SMPD3: variants seen among roughly 807,000 people sequenced by gnomAD.
SMPD3 encodes sphingomyelin phosphodiesterase 3.
A neutral mutation model predicts 55.7 loss-of-function variants in SMPD3; 21 were observed. The ratio of observed to expected loss-of-function variants is 0.38; its 90% CI spans 0.27 to 0.54. The LOEUF (loss-of-function observed/expected upper bound fraction) is 0.54. Among genes scored for constraint, SMPD3 ranks in the 20% least tolerant of loss-of-function variants. SMPD3 has a pLI of 0.80. For synonymous variants in SMPD3, 457 were observed against 404.3 expected (o/e 1.13, Z -1.56); for missense variants, 842 against 899.6 (o/e 0.94, Z 0.82).
At chr16:68,408,754 G>C (rs1319820421) in intron 1 of SMPD3, among the ~76,000 whole-genome samples, 1 of 152,138 alleles carries the variant, frequency 6.6e-6, no homozygotes, top group Non-Finnish European at 1.5e-5. Flanking sequence ...GTCTCTCCTG[G>C]GTTGAGAACT....
chr16:68,409,635 C>G (rs1204921055), intron 1 of SMPD3, among the ~76,000 whole-genome samples: 2 of 152,146 alleles, frequency 1.3e-5, no homozygotes, highest in Non-Finnish European at 1.5e-5. Flanking sequence ...ACTCTGTTCC[C>G]CAGGCTGGAG....
At chr16:68,391,903 CTT>C (rs752625272) in intron 1 of SMPD3, among the ~76,000 whole-genome samples, 9 of 152,026 alleles carry the variant, frequency 5.9e-5, no homozygotes, top group Non-Finnish European at 1.3e-4. Context: ...TTCTTTTTTT[CTT>C]TTTTGAGACA....
chr16:68,397,782 G>A (rs1181660396), intron 1 of SMPD3, among the ~76,000 whole-genome samples: 38 of 152,114 alleles, frequency 2.5e-4, no homozygotes, highest in Admixed American at 2.5e-3. Context: ...GCGGGGGGTG[G>A]TCTCTTCAGG....
At position 68,361,744 on chromosome 16, in the gene SMPD3, C is replaced by T. The variant is rs955621644; in HGVS notation, c.1725G>A (p.Glu575=). The change falls in exon 8 of 9, where the codon GAG becomes GAA. Residue 575 remains glutamate, a synonymous_variant. Coordinates refer to ENST00000219334, the MANE Select transcript of SMPD3 (RefSeq NM_018667.4). The part of the protein sequence containing the change: ...PDNLQKVLES[E]EGRREYLAFP... ...ACGCCAGGTACTCCCTGCGGCCCTC[C>T]TCACTCTCCAGGACCCTGTCCACAC... 1.9e-6 allele frequency: 3 copies of T among 1,612,504 alleles called. No homozygotes were observed. In the African/African-American group the frequency reaches 4.0e-5, roughly 22 times the overall value.
rs1443862848 is a variant in SMPD3 at position 68,358,824 on chromosome 16, A to G, written c.*2382T>C. The G allele has an allele frequency of 2.6e-5, 4 of 152,534 alleles. No homozygotes were observed. The highest frequency in any genetic ancestry group is 5.9e-5 in the Non-Finnish European group (4 of 68,042). 9.4% of individuals were successfully genotyped at this position (152,534 alleles called of 1,614,324 possible). A position where few individuals can be genotyped will look rare whatever the true frequency, so the allele number is the denominator to read the frequency against. On this transcript the variant is annotated 3_prime_UTR_variant, in exon 9 of 9. Coordinates refer to ENST00000219334, the MANE Select transcript of SMPD3 (RefSeq NM_018667.4). ...ATGCCACAGAATCTGAGATCCAGCA[A>G]TGGTTCACTTTAAAAAATCAGTGGA...
intron 2 of SMPD3, among the ~76,000 whole-genome samples, chr16:68,379,612 G>C (rs549195514): frequency 6.6e-6 from 1 of 152,202 alleles, no homozygotes; most frequent in Non-Finnish European, 1.5e-5. Context: ...AGGGGACGAC[G>C]TCAGGGCCTC....
Position 68,371,857 on chromosome 16 carries a change from C to T in SMPD3, c.325G>A (p.Ala109Thr). ...RLEDKGLAGG[A>T]ALLSEWKGTG... is the part of the protein sequence containing the mutation. ...CCCTTCCATTCACTGAGCAGGGCTGCCCCACCGGCCAGGCCCTTGTCTTCC... is the reference window on the plus strand; with the variant it reads ...CCCTTCCATTCACTGAGCAGGGCTGTCCCACCGGCCAGGCCCTTGTCTTCC... The change falls in exon 3 of 9, where the codon GCA (alanine) becomes ACA (threonine). Residue 109 changes from alanine to threonine, a missense_variant. By Grantham distance (58) the Ala-to-Thr change is moderately conservative (BLOSUM62 0). This residue lies in a region of SMPD3 where 193 missense variants were observed against 256.0 expected (regional missense o/e 0.75). Coordinates refer to ENST00000219334, the MANE Select transcript of SMPD3 (RefSeq NM_018667.4). 1 of 1,605,920 alleles carries T rather than the reference C, an allele frequency of 6.2e-7. No homozygotes were observed. The highest frequency in any genetic ancestry group is 8.5e-7 in the Non-Finnish European group (1 of 1,177,334).
At chr16:68,419,456 G>T (rs2090370992) in intron 1 of SMPD3, among the ~76,000 whole-genome samples, 2 of 152,240 alleles carry the variant, frequency 1.3e-5, no homozygotes, top group Admixed American at 6.5e-5. Context: ...GCAGCTCATT[G>T]TATATCACAT....
intron 1 of SMPD3, among the ~76,000 whole-genome samples, chr16:68,426,419 C>A (rs373628177): frequency 2.6e-5 from 4 of 152,124 alleles, no homozygotes; most frequent in African/African-American, 9.7e-5. Flanking sequence ...CAGTTCATGA[C>A]CATGTCAAGA....
At chr16:68,395,273 G>A (rs1211573610) in intron 1 of SMPD3, among the ~76,000 whole-genome samples, 1 of 152,158 alleles carries the variant, frequency 6.6e-6, no homozygotes, top group East Asian at 1.9e-4. Context: ...GGTGGCAACT[G>A]TAATCTGGTC....
At chr16:68,415,997 G>A (rs979826008) in intron 1 of SMPD3, among the ~76,000 whole-genome samples, 6 of 152,322 alleles carry the variant, frequency 3.9e-5, no homozygotes, top group Admixed American at 3.3e-4. Flanking sequence ...CATTAGGGTA[G>A]CTATTTAAAG....
intron 1 of SMPD3, among the ~76,000 whole-genome samples, chr16:68,420,460 C>G (rs1269929046): frequency 2.0e-5 from 3 of 152,214 alleles, no homozygotes; most frequent in Non-Finnish European, 2.9e-5. Context: ...AGGCTAATAG[C>G]CTGGTTACCC....
chr16:68,366,252 G>C (rs922866026), intron 3 of SMPD3, among the ~76,000 whole-genome samples: 2 of 152,188 alleles, frequency 1.3e-5, no homozygotes, highest in Non-Finnish European at 2.9e-5. Flanking sequence ...GCCTCGGCAG[G>C]CTCCGTCCTT....
chr16:68,387,961 G>C (rs1002757984), intron 1 of SMPD3, among the ~76,000 whole-genome samples: 1 of 152,206 alleles, frequency 6.6e-6, no homozygotes, highest in African/African-American at 2.4e-5. Flanking sequence ...CACAGAAAAG[G>C]CTTGGGCTCT....
chr16:68,380,383 C>T (rs2089921034), intron 2 of SMPD3, among the ~76,000 whole-genome samples: 1 of 152,254 alleles, frequency 6.6e-6, no homozygotes, highest in South Asian at 2.1e-4. Context: ...TGAGGCAGCT[C>T]CGGGGCCGAA....
chr16:68,375,951 C>G (rs2089801631), intron 2 of SMPD3, among the ~76,000 whole-genome samples: 1 of 152,240 alleles, frequency 6.6e-6, no homozygotes, highest in African/African-American at 2.4e-5. Flanking sequence ...TCGCCAGCTT[C>G]CCAGCTGCTG....
intron 3 of SMPD3, 85 bp downstream of exon 3, chr16:68,370,774 G>A (rs1023229843): frequency 6.5e-7 from 1 of 1,537,668 alleles, no homozygotes; most frequent in African/African-American, 1.4e-5. Flanking sequence ...CCATGACGAT[G>A]AGGACTCCCC....
chr16:68,411,190 G>T (rs2090297120), intron 1 of SMPD3, among the ~76,000 whole-genome samples: 1 of 152,236 alleles, frequency 6.6e-6, no homozygotes, highest in Non-Finnish European at 1.5e-5. Context: ...TCAGCACAGT[G>T]CCCTCCCCCA....
intron 2 of SMPD3, among the ~76,000 whole-genome samples, chr16:68,374,246 G>T (rs1174822957): frequency 6.6e-6 from 1 of 152,244 alleles, no homozygotes; most frequent in African/African-American, 2.4e-5. Flanking sequence ...TGTGCGGAGG[G>T]GGTTTCTGTG....
Sources: allele counts gnomAD v4.1 joint callset (sites outside exome capture counted in the v4.1 genomes callset), GRCh38; gene constraint gnomAD v4.1.1; regional missense constraint gnomAD v4.1.1; transcripts MANE v1.5; gene names NCBI Gene and HGNC (gene_info 2026-07-23, HGNC 2026-07-21).